Variants in GAS7 observed in about 807,000 individuals in gnomAD.
GAS7 encodes the protein growth arrest specific 7, also known as growth arrest-specific protein 7.
GAS7 carries 28 observed loss-of-function variants against 71.1 expected under a neutral mutation model. The observed-to-expected ratio is 0.39, with a 90% confidence interval of 0.29 to 0.54. GAS7 has a LOEUF of 0.54. GAS7 is among the 20% of genes least tolerant of loss of function. GAS7 has a pLI of 0.62. For missense variants in GAS7, 436 were observed against 627.8 expected, an observed-to-expected ratio of 0.69 and a Z score of 3.27; for synonymous variants, 258 against 245.8, an observed-to-expected ratio of 1.05 and a Z score of -0.46.
At chr17:10,015,671 A>G (rs1204299329) in intron 2 of GAS7, among the ~76,000 whole-genome samples, 1 of 152,230 alleles carries the variant, frequency 6.6e-6, no homozygotes, top group Non-Finnish European at 1.5e-5. Flanking sequence ...GAGGAGAATC[A>G]GAAAGATAGC....
intron 2 of GAS7, among the ~76,000 whole-genome samples, chr17:10,018,438 G>A (rs16959235): frequency 0.095 from 14,414 of 152,098 alleles, 765 homozygotes; most frequent in African/African-American, 0.14. Context: ...ATGATCCTAC[G>A]GTCCAAATTC....
intron 9 of GAS7, among the ~76,000 whole-genome samples, chr17:9,931,093 C>T (rs903998405): frequency 6.6e-6 from 1 of 152,208 alleles, no homozygotes; most frequent in East Asian, 1.9e-4. Flanking sequence ...TGCCATTGGT[C>T]TGCCAAAGCA....
At chr17:10,139,773 G>A (rs544479272) in intron 1 of GAS7, among the ~76,000 whole-genome samples, 1 of 152,344 alleles carries the variant, frequency 6.6e-6, no homozygotes, top group South Asian at 2.1e-4. Flanking sequence ...AAGGGAAGAA[G>A]CAGAGATTCT....
At chr17:10,158,720 T>C (rs1363440195) in intron 1 of GAS7, among the ~76,000 whole-genome samples, 1 of 151,904 alleles carries the variant, frequency 6.6e-6, no homozygotes, top group Non-Finnish European at 1.5e-5. Flanking sequence ...CTTGCAACTC[T>C]TCAAATTTTT....
rs183106637 is a variant in GAS7, at chr17:9,914,530, T to C, written c.*2698A>G. ...CGTGAGCCACCGTGCCCGACCCTTA[T>C]TTGTAAAGAGTTATTTAAAGCAAAC... On this transcript the variant is annotated 3_prime_UTR_variant, in exon 14 of 14. Coordinates refer to ENST00000432992, the MANE Select transcript of GAS7 (RefSeq NM_201433.2). 6 of 188,976 alleles carry C rather than the reference T, an allele frequency of 3.2e-5. No homozygotes were observed. Among genetic ancestry groups the C allele is most frequent in the Admixed American group, 1.2e-4 (2 of 16,166 alleles). 11.7% of individuals were successfully genotyped at this position (188,976 alleles called of 1,614,324 possible).
At chr17:10,063,296 C>CTG (rs148528620) in intron 1 of GAS7, among the ~76,000 whole-genome samples, 7 of 151,954 alleles carry the variant, frequency 4.6e-5, no homozygotes, top group Middle Eastern at 3.4e-3. Flanking sequence ...GTTTGTGTGT[C>CTG]TGTGTGTGTG....
rs1272701240 is a variant in GAS7, at chr17:9,919,155, C to T, written c.1218+471G>A. ...CTCAAGAGCATCATCGGCCCTGCCG[C>T]CTGTTGTTCACCCTTGGTGAGAGGC... On this transcript the variant is annotated intron_variant, in intron 12 of 13. Transcript: ENST00000432992. The surrounding 1 kb of genome is among the most constrained non-coding windows in gnomAD (Gnocchi z 5.0). 1.4e-5 allele frequency among the ~76,000 whole-genome samples: 2 copies of T among 143,682 alleles called. No homozygotes were observed. The highest frequency in any genetic ancestry group is 1.6e-5 in the Non-Finnish European group (1 of 64,480). The allele number at this position is 143,682 out of a possible 152,430, so 94.3% of individuals were successfully genotyped here.
Position 10,003,904 on chromosome 17 carries a change from C to T in GAS7, c.304+15873G>A, listed in dbSNP as rs193173090. Among the ~76,000 whole-genome samples the T allele has an allele frequency of 2.0e-5, 3 of 152,324 alleles. No individual in the cohort carries two copies. The East Asian group carries it at 5.8e-4, about 29-fold the overall frequency. ...GAGTGCTACCTACTTTGGAATCCAA[C>T]TCAGAATGAAGTAACAAAAAAGCTA... is the stretch of plus-strand genomic sequence containing the variant. On this transcript the variant is annotated intron_variant, in intron 2 of 13. Transcript: ENST00000432992.
chr17:9,917,295 T>C lies in GAS7; in HGVS notation c.1364A>G (p.Lys455Arg). The change falls in exon 14 of 14, where the codon AAA becomes AGA. Residue 455 changes from lysine (K) to arginine (R), a missense_variant. Lys to Arg is a conservative substitution (Grantham distance 26). Coordinates refer to ENST00000432992, the MANE Select transcript of GAS7 (RefSeq NM_201433.2). ...CTCTCTGACCCACAGCTCCCTGTCTTTGGCCGGGTCCACTTTTCGAAGCAG... is the reference window on the plus strand; with the variant it reads ...CTCTCTGACCCACAGCTCCCTGTCTCTGGCCGGGTCCACTTTTCGAAGCAG... ...DQLLRKVDPA[K>R]DRELWVREHK... 1 of 1,614,136 alleles carries C rather than the reference T, an allele frequency of 6.2e-7. No homozygotes were observed. The highest frequency in any genetic ancestry group is 8.5e-7 in the Non-Finnish European group (1 of 1,179,934).
In GAS7 at chr17:9,994,547, C is replaced by T. The variant is rs552516575; in HGVS notation, c.305-12663G>A. 1.3e-4 allele frequency among the ~76,000 whole-genome samples: 19 copies of T among 147,472 alleles called. No homozygotes were observed. In the South Asian group the frequency reaches 4.1e-3, roughly 32 times the overall value. ...AAATCAATTCAAGATGGATTAAAGACTTAAACGTTAGACCTAAAACCATAA... is the reference window on the plus strand; with the variant it reads ...AAATCAATTCAAGATGGATTAAAGATTTAAACGTTAGACCTAAAACCATAA... On this transcript the variant is annotated intron_variant, in intron 2 of 13. Transcript: ENST00000432992.
intron 1 of GAS7, among the ~76,000 whole-genome samples, chr17:10,118,024 C>T (rs17687054): frequency 0.16 from 24,487 of 152,068 alleles, 2,627 homozygotes; most frequent in Admixed American, 0.27. Context: ...CTGGACAGGA[C>T]AAGTGGAGAT....
intron 2 of GAS7, among the ~76,000 whole-genome samples, chr17:10,000,210 G>A (rs118142575): frequency 1.3e-5 from 2 of 152,302 alleles, no homozygotes; most frequent in East Asian, 1.9e-4. Context: ...CACCCCTAGA[G>A]TTTCTGATTT....
Position 9,915,612 on chromosome 17 carries a change from T to C in GAS7, c.*1616A>G, listed in dbSNP as rs1206922466. ...CTATACGAAAGCAATTCTCATTCAA[T>C]GAAAGAGGCGCCAAAAAATTAGAGA... On this transcript the variant is annotated 3_prime_UTR_variant, in exon 14 of 14. Transcript: ENST00000432992. The C allele has an allele frequency of 2.2e-5, 5 of 227,292 alleles. No homozygotes were observed. The highest frequency in any genetic ancestry group is 4.4e-5 in the Non-Finnish European group (5 of 114,430). The allele number at this position is 227,292 out of a possible 1,614,324, so 14.1% of individuals were successfully genotyped here. A position where few individuals can be genotyped will look rare whatever the true frequency, so the allele number is the denominator to read the frequency against.
At chr17:9,968,267 G>A (rs577493026) in intron 4 of GAS7, among the ~76,000 whole-genome samples, 2 of 152,316 alleles carry the variant, frequency 1.3e-5, no homozygotes, top group South Asian at 2.1e-4. Context: ...AGGAGAGAAG[G>A]AGACCGATAG....
rs1438025039 is a variant in GAS7, at chr17:9,967,567, T to C, written c.471+2110A>G. On this transcript the variant is annotated intron_variant, in intron 4 of 13. Coordinates refer to ENST00000432992, the MANE Select transcript of GAS7 (RefSeq NM_201433.2). ...CTTCCTAAGTATAGATAAGTATAGA[T>C]TTCCTTCTGCCAAATAAGACTGACT... Among the ~76,000 whole-genome samples the C allele has an allele frequency of 7.6e-5, 3 of 39,484 alleles. No homozygotes were observed. In the East Asian group the frequency reaches 1.8e-3, roughly 24 times the overall value. 25.9% of individuals were successfully genotyped at this position (39,484 alleles called of 152,430 possible). A position where few individuals can be genotyped will look rare whatever the true frequency, so the allele number is the denominator to read the frequency against.
At chr17:10,105,984 T>A (rs1411719612) in intron 1 of GAS7, among the ~76,000 whole-genome samples, 1 of 152,180 alleles carries the variant, frequency 6.6e-6, no homozygotes, top group Non-Finnish European at 1.5e-5. Flanking sequence ...CTCATCATTA[T>A]CCCTGCCACC....
At chr17:9,966,559 G>C (rs1340117484) in intron 4 of GAS7, among the ~76,000 whole-genome samples, 1 of 152,214 alleles carries the variant, frequency 6.6e-6, no homozygotes, top group Non-Finnish European at 1.5e-5. Flanking sequence ...CTACTCGTCT[G>C]CATGCTGGAG....
At chr17:10,150,395 C>CTT in intron 1 of GAS7, among the ~76,000 whole-genome samples, 1 of 127,122 alleles carries the variant, frequency 7.9e-6, no homozygotes, top group South Asian at 2.9e-4. Context: ...CTCTTTCTTT[C>CTT]TTTCTCTCAA....
intron 6 of GAS7, among the ~76,000 whole-genome samples, chr17:9,944,152 C>T (rs2068705490): frequency 6.6e-6 from 1 of 152,084 alleles, no homozygotes; most frequent in African/African-American, 2.4e-5. Context: ...ACCAAATGCC[C>T]CTTCCCTGCC....
Sources: allele counts gnomAD v4.1 joint callset (sites outside exome capture counted in the v4.1 genomes callset), GRCh38; gene constraint gnomAD v4.1.1; non-coding constraint Gnocchi (gnomAD v3.1); transcripts MANE v1.5; gene names NCBI Gene and HGNC (gene_info 2026-07-23, HGNC 2026-07-21).